Variants in IMMP2L observed in about 807,000 individuals in gnomAD.
IMMP2L encodes the protein inner mitochondrial membrane peptidase subunit 2, also known as mitochondrial inner membrane protease subunit 2.
A neutral mutation model predicts 19.3 loss-of-function variants in IMMP2L; 18 were observed. The ratio of observed to expected loss-of-function variants is 0.93; its 90% CI spans 0.64 to 1.38. The LOEUF (loss-of-function observed/expected upper bound fraction) is 1.38. IMMP2L is among the 40% of genes most tolerant of loss of function. The pLI is 0.00. For synonymous variants in IMMP2L, 76 were observed against 73.0 expected (o/e 1.04, Z -0.21); for missense variants, 233 against 218.2 (o/e 1.07, Z -0.43).
At chr7:111,143,764 G>A (rs1426403376) in intron 3 of IMMP2L, among the ~76,000 whole-genome samples, 2 of 152,040 alleles carry the variant, frequency 1.3e-5, no homozygotes, top group African/African-American at 4.8e-5. Flanking sequence ...TGAATCTCAG[G>A]ATATTTATTG....
intron 3 of IMMP2L, among the ~76,000 whole-genome samples, chr7:111,072,929 G>C (rs567373928): frequency 2.0e-5 from 3 of 149,178 alleles, no homozygotes. Flanking sequence ...GGAGTCTAAA[G>C]AGACATGACA....
intron 4 of IMMP2L, among the ~76,000 whole-genome samples, chr7:110,962,096 A>T (rs772216686): frequency 5.3e-5 from 8 of 151,998 alleles, no homozygotes; most frequent in Non-Finnish European, 1.2e-4. Context: ...ATAAATTTTT[A>T]AAAGACCTTC....
intron 3 of IMMP2L, among the ~76,000 whole-genome samples, chr7:111,425,460 C>G (rs747761802): frequency 6.6e-6 from 1 of 150,672 alleles, no homozygotes; most frequent in African/African-American, 2.4e-5. Context: ...GTTAACAATA[C>G]GCATGTTGAA....
chr7:110,802,509 AC>A (rs2131220383), intron 5 of IMMP2L, among the ~76,000 whole-genome samples: 1 of 152,192 alleles, frequency 6.6e-6, no homozygotes, highest in Admixed American at 6.6e-5. Flanking sequence ...TTATAAATGT[AC>A]TATAAAATAC....
chr7:111,080,455 T>C (rs904783925), intron 3 of IMMP2L, among the ~76,000 whole-genome samples: 40 of 151,318 alleles, frequency 2.6e-4, no homozygotes, highest in Non-Finnish European at 4.1e-4. Flanking sequence ...TACATAAATA[T>C]ATGTATATTC....
chr7:111,275,976 T>C (rs1818998730), intron 3 of IMMP2L, among the ~76,000 whole-genome samples: 1 of 152,152 alleles, frequency 6.6e-6, no homozygotes, highest in Admixed American at 6.6e-5. Context: ...TAAGATCATA[T>C]CATCAGCAAA....
At chr7:111,308,630 T>G (rs542023303) in intron 3 of IMMP2L, among the ~76,000 whole-genome samples, 1 of 151,696 alleles carries the variant, frequency 6.6e-6, no homozygotes, top group Non-Finnish European at 1.5e-5. Context: ...GGTATCATCA[T>G]ACAAAAGAAA....
Position 110,896,617 on chromosome 7 carries a change from AAAAT to A in IMMP2L, c.306-9926_306-9923del, listed in dbSNP as rs1300436397. 1.4e-5 allele frequency among the ~76,000 whole-genome samples: 2 copies of A among 138,574 alleles called. 1 individual carries two copies. The highest frequency in any genetic ancestry group is 5.8e-5 in the African/African-American group (2 of 34,738). The allele number at this position is 138,574 out of a possible 152,430, so 90.9% of individuals were successfully genotyped here. On this transcript the variant is annotated intron_variant, in intron 4 of 5. Transcript: ENST00000405709. ...TATTTGTGGCACATTTTGCCTTTCAAAAATTTTTAATTTCAAAATACTGAGGTAT... is the reference window on the plus strand; with the variant it reads ...TATTTGTGGCACATTTTGCCTTTCAATTTTAATTTCAAAATACTGAGGTAT...
chr7:110,863,792 C>T (rs924950432), intron 5 of IMMP2L, among the ~76,000 whole-genome samples: 6 of 152,032 alleles, frequency 3.9e-5, no homozygotes, highest in Admixed American at 2.0e-4. Context: ...TTTCAATGTA[C>T]GATATTTTCA....
At chr7:110,778,404 T>C (rs1799534188) in intron 5 of IMMP2L, among the ~76,000 whole-genome samples, 1 of 151,990 alleles carries the variant, frequency 6.6e-6, no homozygotes, top group African/African-American at 2.4e-5. Flanking sequence ...TGCTGGGATA[T>C]AAAGATGCTG....
chr7:111,002,637 T>C (rs1400169851), intron 3 of IMMP2L, among the ~76,000 whole-genome samples: 1 of 152,176 alleles, frequency 6.6e-6, no homozygotes, highest in African/African-American at 2.4e-5. Context: ...GTTATATACT[T>C]AATCAAGGGT....
chr7:111,266,974 T>C (rs1817905082), intron 3 of IMMP2L, among the ~76,000 whole-genome samples: 1 of 152,182 alleles, frequency 6.6e-6, no homozygotes. Flanking sequence ...TCAATTTCTC[T>C]ACCCTAGCTT....
At chr7:111,465,238 C>A (rs1233475116) in intron 3 of IMMP2L, among the ~76,000 whole-genome samples, 2 of 151,964 alleles carry the variant, frequency 1.3e-5, no homozygotes, top group Non-Finnish European at 2.9e-5. Flanking sequence ...TTGCTTACGA[C>A]GTATTTTTGA....
chr7:110,761,801 C>G (rs2130971299), intron 5 of IMMP2L, among the ~76,000 whole-genome samples: 1 of 152,318 alleles, frequency 6.6e-6, no homozygotes, highest in African/African-American at 2.4e-5. Flanking sequence ...CCCTTAACAT[C>G]TATGCCATGC....
At chr7:111,302,242 C>A (rs181859586) in intron 3 of IMMP2L, among the ~76,000 whole-genome samples, 8 of 152,224 alleles carry the variant, frequency 5.3e-5, no homozygotes, top group Non-Finnish European at 1.0e-4. Context: ...TATACAAACA[C>A]CCAAGTTTAA....
chr7:111,500,631 G>A (rs1349981030), intron 2 of IMMP2L, among the ~76,000 whole-genome samples: 1 of 152,110 alleles, frequency 6.6e-6, no homozygotes. Context: ...AATCAGGCAG[G>A]AGCATTTGCG....
At chr7:111,190,239 A>C (rs534892875) in intron 3 of IMMP2L, among the ~76,000 whole-genome samples, 1 of 152,172 alleles carries the variant, frequency 6.6e-6, no homozygotes, top group African/African-American at 2.4e-5. Flanking sequence ...AACTCCTCTA[A>C]GCTTTCTAAC....
chr7:111,045,861 A>G (rs1792341847), intron 3 of IMMP2L, among the ~76,000 whole-genome samples: 1 of 152,228 alleles, frequency 6.6e-6, no homozygotes, highest in Non-Finnish European at 1.5e-5. Flanking sequence ...ATAAACCATT[A>G]AGTTTGTGTT....
intron 1 of IMMP2L, among the ~76,000 whole-genome samples, chr7:111,549,983 A>C (rs1849300079): frequency 6.6e-6 from 1 of 152,044 alleles, no homozygotes; most frequent in African/African-American, 2.4e-5. Context: ...AAAAAGCACA[A>C]GCTAATTCAT....
Sources: allele counts gnomAD v4.1 joint callset (sites outside exome capture counted in the v4.1 genomes callset), GRCh38; gene constraint gnomAD v4.1.1; transcripts MANE v1.5; gene names NCBI Gene and HGNC (gene_info 2026-07-23, HGNC 2026-07-21).